The following DNAH3 variants were observed in gnomAD, a reference collection of about 807,000 sequenced individuals.
DNAH3 encodes axonemal beta dynein heavy chain 3.
A neutral mutation model predicts 432.5 loss-of-function variants in DNAH3; 332 were observed. That is an observed-to-expected ratio of 0.77 (90% confidence interval 0.70 to 0.84). The LOEUF is 0.84. Ranked by LOEUF, DNAH3 falls within the 40% of genes least tolerant of loss-of-function variation. DNAH3 has a pLI of 0.00. For synonymous variants in DNAH3, 1,956 were observed against 1,900.2 expected (o/e 1.03, Z -0.76); for missense variants, 4,861 against 5,114.0 (o/e 0.95, Z 1.51).
intron 40 of DNAH3, among the ~76,000 whole-genome samples, chr16:21,020,348 G>GTATATATATATATATATATATATA (rs58198093): frequency 5.8e-5 from 4 of 69,168 alleles, no homozygotes; most frequent in African/African-American, 1.9e-4. Context: ...TATAGTGTGT[G>GTATATATATATATATATATATATA]TATATATATA....
intron 17 of DNAH3, among the ~76,000 whole-genome samples, chr16:21,098,129 G>A (rs567455403): frequency 2.0e-5 from 3 of 152,260 alleles, no homozygotes; most frequent in Non-Finnish European, 4.4e-5. Context: ...GTCATGAAGG[G>A]ATATGGGAAA....
At chr16:21,104,204 G>T (rs2091898950) in intron 16 of DNAH3, 1 of 313,964 alleles carries the variant, frequency 3.2e-6, no homozygotes, top group South Asian at 5.5e-5. Context: ...CACTAGTTTT[G>T]CGTTTTTCTC....
At chr16:21,103,358 G>A (rs891190623) in intron 16 of DNAH3, among the ~76,000 whole-genome samples, 1 of 150,210 alleles carries the variant, frequency 6.7e-6, no homozygotes, top group Non-Finnish European at 1.5e-5. Context: ...TGTGTGTGGG[G>A]GGGGGCAGGG....
chr16:20,991,569 T>C (rs968488546), intron 44 of DNAH3, among the ~76,000 whole-genome samples: 3 of 152,188 alleles, frequency 2.0e-5, no homozygotes, highest in African/African-American at 4.8e-5. Context: ...TGGCCTCATA[T>C]GTATTTCTTA....
At chr16:20,978,765 G>C (rs1263447643) in intron 50 of DNAH3, among the ~76,000 whole-genome samples, 1 of 151,940 alleles carries the variant, frequency 6.6e-6, no homozygotes, top group African/African-American at 2.4e-5. Flanking sequence ...GGTCTCAAGC[G>C]ATCTCTTGGC....
intron 27 of DNAH3, among the ~76,000 whole-genome samples, chr16:21,056,400 C>CCCTT (rs987863890): frequency 1.4e-5 from 2 of 138,596 alleles, no homozygotes; most frequent in African/African-American, 2.8e-5. Context: ...CTCCCTCTCT[C>CCCTT]CCTTCCTTCC....
At chr16:21,040,283 T>C (rs1355660227) in intron 32 of DNAH3, among the ~76,000 whole-genome samples, 1 of 150,758 alleles carries the variant, frequency 6.6e-6, no homozygotes, top group Non-Finnish European at 1.5e-5. Context: ...AGCTTCCCAG[T>C]GTTCAACATG....
At chr16:20,956,693 C>T (rs2084579710) in intron 54 of DNAH3, among the ~76,000 whole-genome samples, 1 of 152,120 alleles carries the variant, frequency 6.6e-6, no homozygotes, top group African/African-American at 2.4e-5. Context: ...GATTAAGGCA[C>T]AACGCTTTTA....
Position 20,955,047 on chromosome 16 carries a change from T to G in DNAH3, c.10837A>C (p.Thr3613Pro), listed in dbSNP as rs756758916. The change falls in exon 55 of 62, where the codon ACC (threonine) becomes CCC (proline). Residue 3613 changes from threonine to proline, a missense_variant. By Grantham distance (38) the Thr-to-Pro change is conservative. Coordinates refer to ENST00000261383, the Ensembl canonical transcript of DNAH3. ...GGAAACTTCTCTGATGGATAGCTGG[T>G]TAGCCAGAGTCTGGAAGAACAATGG... 3.4e-5 allele frequency: 55 copies of G among 1,606,926 alleles called. No individual in the cohort carries two copies. The highest frequency in any genetic ancestry group is 1.7e-4 in the Middle Eastern group (1 of 6,054).
chr16:21,021,215 C>T (rs1293926406), intron 40 of DNAH3, among the ~76,000 whole-genome samples: 2 of 152,324 alleles, frequency 1.3e-5, no homozygotes, highest in East Asian at 3.9e-4. Flanking sequence ...AATATCTGAT[C>T]AAGTCTCTGC....
intron 20 of DNAH3, among the ~76,000 whole-genome samples, chr16:21,081,171 G>T (rs144196481): frequency 1.3e-5 from 2 of 151,936 alleles, no homozygotes; most frequent in Non-Finnish European, 2.9e-5. Flanking sequence ...CGCCTGCCTC[G>T]GCCCCCCAGA....
rs1251868687 is a variant in DNAH3 at position 21,081,627 on chromosome 16, A to C, written c.2969+9T>G. The C allele has an allele frequency of 6.2e-7, 1 of 1,611,614 alleles. No individual in the cohort carries two copies. Among genetic ancestry groups the C allele is most frequent in the East Asian group, 2.2e-5 (1 of 44,848 alleles). On this transcript the variant is annotated intron_variant, in intron 20 of 61. Coordinates refer to ENST00000261383, the Ensembl canonical transcript of DNAH3. ...AAAACCTTATCTGAAGGAGGGGATAAGCCCTTACTTTTCAACGAATTTGCC... is the reference window on the plus strand; with the variant it reads ...AAAACCTTATCTGAAGGAGGGGATACGCCCTTACTTTTCAACGAATTTGCC...
chr16:21,138,714 G>A (rs901618968), intron 5 of DNAH3, among the ~76,000 whole-genome samples: 2 of 152,040 alleles, frequency 1.3e-5, no homozygotes, highest in African/African-American at 4.8e-5. Context: ...GGAGGCTGAG[G>A]CAGGAGAATC....
chr16:21,086,627 C>A (rs907288283), intron 19 of DNAH3, among the ~76,000 whole-genome samples: 15 of 152,192 alleles, frequency 9.9e-5, no homozygotes, highest in Non-Finnish European at 1.8e-4. Flanking sequence ...GAACCACGAC[C>A]AATGGGGGTT....
chr16:20,986,759 G>A (rs984661620), intron 47 of DNAH3, among the ~76,000 whole-genome samples: 2 of 152,106 alleles, frequency 1.3e-5, no homozygotes, highest in South Asian at 2.1e-4. Flanking sequence ...ACCCAGTGAC[G>A]CTTTTGCACT....
At chr16:21,021,997 A>C in exon 40 of DNAH3, 1 of 1,613,994 alleles carries the variant, frequency 6.2e-7, no homozygotes, top group South Asian at 1.1e-5. Flanking sequence ...CAGTCTCATC[A>C]TTGAGAAGGC....
intron 7 of DNAH3, among the ~76,000 whole-genome samples, chr16:21,129,006 C>T (rs1475563832): frequency 6.6e-6 from 1 of 152,124 alleles, no homozygotes; most frequent in Non-Finnish European, 1.5e-5. Context: ...CCTTTTAACA[C>T]CTAAGTCAGA....
intron 16 of DNAH3, among the ~76,000 whole-genome samples, chr16:21,103,108 T>C (rs1383897672): frequency 1.3e-5 from 2 of 152,020 alleles, no homozygotes; most frequent in African/African-American, 2.4e-5. Flanking sequence ...AAGTGGGAGC[T>C]AAGCTATGAG....
In DNAH3 at chr16:21,098,775, A is replaced by C. The variant is rs1265023479; in HGVS notation, c.2367-6T>G. 2 of 1,607,154 alleles carry C rather than the reference A, an allele frequency of 1.2e-6. No homozygotes were observed. The highest frequency in any genetic ancestry group is 1.7e-6 in the Non-Finnish European group (2 of 1,178,112). On this transcript the variant is annotated splice_region_variant and splice_polypyrimidine_tract_variant and intron_variant, in intron 16 of 61. Coordinates refer to ENST00000261383, the Ensembl canonical transcript of DNAH3. ...TCAACTCAAATTCTGAGCATCTGAAAATAAAGACAGCCTGGTTACCTTTGG... is the reference window on the plus strand; with the variant it reads ...TCAACTCAAATTCTGAGCATCTGAACATAAAGACAGCCTGGTTACCTTTGG...
Sources: gnomAD v4.1 joint callset for allele counts (sites outside exome capture counted in the v4.1 genomes callset) on GRCh38, gnomAD v4.1.1 for gene constraint, MANE v1.5 for transcripts, NCBI Gene and HGNC (gene_info 2026-07-23, HGNC 2026-07-21) for gene names.